Variants in MEIS2 observed in about 807,000 individuals in gnomAD.
MEIS2 encodes homeobox protein Meis2.
In MEIS2, 9 loss-of-function variants were observed where a neutral mutation model predicts 58.6. The observed-to-expected ratio is 0.15, with a 90% CI of 0.09 to 0.27. The LOEUF is 0.27. MEIS2 is among the 10% of genes least tolerant of loss of function. MEIS2 has a pLI of 1.00. For synonymous variants in MEIS2, 221 were observed against 228.4 expected, an observed-to-expected ratio of 0.97 and a Z score of 0.29; for missense variants, 427 against 635.0, an observed-to-expected ratio of 0.67 and a Z score of 3.52.
At chr15:36,995,997 A>G (rs369664423) in intron 8 of MEIS2, among the ~76,000 whole-genome samples, 13,726 of 56,762 alleles carry the variant, frequency 0.24, 2,698 homozygotes, top group African/African-American at 0.49. Flanking sequence ...ATATATATAT[A>G]TATATGTATA....
chr15:36,966,696 T>G (rs1218839045), intron 8 of MEIS2, among the ~76,000 whole-genome samples: 1 of 152,180 alleles, frequency 6.6e-6, no homozygotes, highest in Admixed American at 6.5e-5. Flanking sequence ...GAATTTATAT[T>G]CTGGCAAGGA....
At chr15:37,069,913 C>A (rs1353213193) in intron 7 of MEIS2, among the ~76,000 whole-genome samples, 1 of 152,222 alleles carries the variant, frequency 6.6e-6, no homozygotes, top group Non-Finnish European at 1.5e-5. Flanking sequence ...CAAGCAGAAC[C>A]AAGCCATCCA....
At chr15:36,951,999 TCA>T (rs1333882287) in intron 8 of MEIS2, among the ~76,000 whole-genome samples, 2 of 152,172 alleles carry the variant, frequency 1.3e-5, no homozygotes, top group Non-Finnish European at 2.9e-5. Context: ...CTTTGGTCAC[TCA>T]CACTCATTCC....
At chr15:36,922,650 GCT>G (rs2057566990) in intron 9 of MEIS2, among the ~76,000 whole-genome samples, 1 of 93,388 alleles carries the variant, frequency 1.1e-5, no homozygotes, top group South Asian at 2.9e-4. Context: ...ATGGAGTTTT[GCT>G]CTTTCTTGCC....
intron 8 of MEIS2, among the ~76,000 whole-genome samples, chr15:36,959,122 T>A (rs1364490454): frequency 6.6e-6 from 1 of 152,188 alleles, no homozygotes; most frequent in African/African-American, 2.4e-5. Context: ...GGAGGCAAAA[T>A]GGCTTGGCCA....
At chr15:36,910,075 G>A (rs542235801) in intron 9 of MEIS2, among the ~76,000 whole-genome samples, 6 of 152,130 alleles carry the variant, frequency 3.9e-5, no homozygotes, top group African/African-American at 1.4e-4. Context: ...ATGGTGGCTT[G>A]TATCTGTGTG....
intron 8 of MEIS2, among the ~76,000 whole-genome samples, chr15:37,027,864 T>C (rs1305785971): frequency 1.3e-5 from 2 of 151,988 alleles, no homozygotes; most frequent in Non-Finnish European, 1.5e-5. Flanking sequence ...GCCCCACACA[T>C]GTATAGCCTC....
chr15:36,905,777 A>T (rs1451733711), intron 9 of MEIS2, among the ~76,000 whole-genome samples: 1 of 152,240 alleles, frequency 6.6e-6, no homozygotes, highest in Non-Finnish European at 1.5e-5. Context: ...AATTATCAAT[A>T]CATACATATA....
At chr15:37,076,100 A>T (rs1891373136) in intron 7 of MEIS2, among the ~76,000 whole-genome samples, 1 of 152,032 alleles carries the variant, frequency 6.6e-6, no homozygotes, top group Admixed American at 6.6e-5. Context: ...AAAGTGGTGT[A>T]TATTATTGTC....
At chr15:36,952,605 C>CTGTGTG (rs1323367225) in intron 8 of MEIS2, among the ~76,000 whole-genome samples, 9 of 83,568 alleles carry the variant, frequency 1.1e-4, no homozygotes, top group Admixed American at 3.1e-4. Flanking sequence ...CTGTCTCTCT[C>CTGTGTG]TCTGTGTGTG....
Position 37,099,839 on chromosome 15 carries a change from A to G in MEIS2, c.-373T>C. 1 of 220,736 alleles carries G rather than the reference A, an allele frequency of 4.5e-6. No homozygotes were observed. Among genetic ancestry groups the G allele is most frequent in the South Asian group, 1.2e-4 (1 of 8,588 alleles). The allele number at this position is 220,736 out of a possible 1,614,324, so 13.7% of individuals were successfully genotyped here. A position where few individuals can be genotyped will look rare whatever the true frequency, so the allele number is the denominator to read the frequency against. On this transcript the variant is annotated 5_prime_UTR_variant, in exon 1 of 12. Coordinates refer to ENST00000561208, the MANE Select transcript of MEIS2 (RefSeq NM_170675.5). ...GAAAGAAAAGAAAAAGAAGAAAAAG[A>G]AGAAAAAAATTGTCAAGCCCCCGAA...
intron 8 of MEIS2, among the ~76,000 whole-genome samples, chr15:36,956,574 GTGT>G (rs1296198541): frequency 6.6e-6 from 1 of 152,076 alleles, no homozygotes; most frequent in Non-Finnish European, 1.5e-5. Context: ...ACTGTTAAAA[GTGT>G]TGTTTTTTCA....
chr15:36,946,282 TTATAAG>T (rs754113865), intron 9 of MEIS2, among the ~76,000 whole-genome samples: 10 of 152,052 alleles, frequency 6.6e-5, no homozygotes, highest in Middle Eastern at 3.4e-3. Context: ...CAATAAATGC[TTATAAG>T]TATGTCTCCT....
At chr15:36,893,623 A>G (rs1019721745) in intron 11 of MEIS2, among the ~76,000 whole-genome samples, 2 of 152,256 alleles carry the variant, frequency 1.3e-5, no homozygotes, top group South Asian at 2.1e-4. Context: ...GTCATGAAGC[A>G]TAAAATATGT....
At chr15:37,045,157 C>A (rs1301265722) in intron 7 of MEIS2, among the ~76,000 whole-genome samples, 2 of 152,128 alleles carry the variant, frequency 1.3e-5, no homozygotes, top group African/African-American at 4.8e-5. Context: ...CTCAACTCTG[C>A]CCTATTCCAA....
At chr15:36,932,420 A>G (rs1233819254) in intron 9 of MEIS2, among the ~76,000 whole-genome samples, 3 of 152,224 alleles carry the variant, frequency 2.0e-5, no homozygotes, top group Non-Finnish European at 2.9e-5. Context: ...AAAATCTAAT[A>G]AAGTGAGAAC....
At chr15:37,087,377 T>C (rs148712982) in intron 6 of MEIS2, among the ~76,000 whole-genome samples, 2 of 152,238 alleles carry the variant, frequency 1.3e-5, no homozygotes, top group African/African-American at 2.4e-5. Context: ...GGAAAATAGA[T>C]ACAAGAAGCT....
At chr15:36,962,627 C>T (rs1037327531) in intron 8 of MEIS2, among the ~76,000 whole-genome samples, 1 of 151,950 alleles carries the variant, frequency 6.6e-6, no homozygotes, top group Non-Finnish European at 1.5e-5. Flanking sequence ...ATGTGGAACC[C>T]GCAGACATAA....
In MEIS2 at chr15:37,017,274, G is replaced by A. The variant is rs537408075; in HGVS notation, c.900+19540C>T. 5.3e-5 allele frequency among the ~76,000 whole-genome samples: 8 copies of A among 152,300 alleles called. No homozygotes were observed. The South Asian group carries it at 1.2e-3, about 24-fold the overall frequency. The stretch of plus-strand genomic sequence containing the variant: ...TCAAAGAGAACATGGTAAAGGAGAC[G>A]AAATGGCTATAATTGTGGAGAAAGA... On this transcript the variant is annotated intron_variant, in intron 8 of 11. Transcript: ENST00000561208.
Sources: allele counts gnomAD v4.1 joint callset (sites outside exome capture counted in the v4.1 genomes callset), GRCh38; gene constraint gnomAD v4.1.1; transcripts MANE v1.5; gene names NCBI Gene and HGNC (gene_info 2026-07-23, HGNC 2026-07-21).